DNER: variants seen among roughly 807,000 people sequenced by gnomAD.
DNER encodes delta and Notch-like epidermal growth factor-related receptor.
In DNER, 33 loss-of-function variants were observed where a neutral mutation model predicts 78.2. That is an observed-to-expected ratio of 0.42 (90% confidence interval 0.32 to 0.56). The LOEUF is 0.56. DNER is among the 20% of genes least tolerant of loss of function. The probability of loss-of-function intolerance (pLI) is 0.11; values close to 1 mark genes in which losing one functional copy is unlikely to be tolerated. For synonymous variants in DNER, 417 were observed against 384.8 expected, an observed-to-expected ratio of 1.08 and a Z score of -0.98; for missense variants, 918 against 975.3, an observed-to-expected ratio of 0.94 and a Z score of 0.78.
intron 1 of DNER, among the ~76,000 whole-genome samples, chr2:229,621,851 C>T (rs1211514655): frequency 2.0e-5 from 3 of 152,042 alleles, no homozygotes; most frequent in Non-Finnish European, 4.4e-5. Flanking sequence ...TTTGGGAGGC[C>T]GAGGCGGGCG....
chr2:229,524,646 T>C (rs1696170354), intron 5 of DNER, among the ~76,000 whole-genome samples: 1 of 152,044 alleles, frequency 6.6e-6, no homozygotes, highest in South Asian at 2.1e-4. Flanking sequence ...CATCCCCCAG[T>C]CTCTTTTTTT....
At chr2:229,416,643 C>G (rs1693658697) in intron 9 of DNER, among the ~76,000 whole-genome samples, 1 of 152,222 alleles carries the variant, frequency 6.6e-6, no homozygotes, top group Non-Finnish European at 1.5e-5. Context: ...TGCACTTCCT[C>G]TCTATAAGCT....
chr2:229,710,064 T>C (rs1348610555), intron 1 of DNER, among the ~76,000 whole-genome samples: 1 of 152,206 alleles, frequency 6.6e-6, no homozygotes, highest in Non-Finnish European at 1.5e-5. Flanking sequence ...GTAGTGTCCA[T>C]TTGCTTGCCA....
chr2:229,499,931 C>CTTTCTTTTT (rs1286404166), intron 6 of DNER, among the ~76,000 whole-genome samples: 27 of 134,836 alleles, frequency 2.0e-4, no homozygotes, highest in South Asian at 9.1e-4. Context: ...GACTTTCTTT[C>CTTTCTTTTT]TTTTTTTTTT....
chr2:229,591,597 T>C lies in DNER; in HGVS notation c.568A>G (p.Lys190Glu). 1 of 1,614,074 alleles carries C rather than the reference T, an allele frequency of 6.2e-7. No individual in the cohort carries two copies. Among genetic ancestry groups the C allele is most frequent in the Non-Finnish European group, 8.5e-7 (1 of 1,179,956 alleles). ...GTTCTCACCTCCACTTGATCCCATTTCATTTCTACAACTTTCTGCCCTGTT... is the reference window on the plus strand; with the variant it reads ...GTTCTCACCTCCACTTGATCCCATTCCATTTCTACAACTTTCTGCCCTGTT... ...PKTGQKVVEM[K>E]WDQVEVIPDI... The change falls in exon 2 of 13, where the codon AAA becomes GAA. Residue 190 changes from lysine (K) to glutamate (E), a missense_variant. Lys to Glu is a moderately conservative substitution (Grantham distance 56). Coordinates refer to ENST00000341772, the MANE Select transcript of DNER (RefSeq NM_139072.4). This position sits in a 1 kb window ranked among gnomAD's most constrained non-coding sequence, Gnocchi z 4.6.
chr2:229,437,135 G>A lies in DNER; in HGVS notation c.1486+10181C>T, dbSNP rs116395866. Among the ~76,000 whole-genome samples the A allele has an allele frequency of 2.6e-3, 393 of 152,308 alleles. 3 individuals are homozygous for A. The highest frequency in any genetic ancestry group is 8.8e-3 in the African/African-American group (365 of 41,560). ...AACAAACAGAAAACATAAAAAGGCAGGGGCTGCTATACAAATAGGATTTTA... is the reference window on the plus strand; with the variant it reads ...AACAAACAGAAAACATAAAAAGGCAAGGGCTGCTATACAAATAGGATTTTA... On this transcript the variant is annotated intron_variant, in intron 8 of 12. Transcript: ENST00000341772.
intron 5 of DNER, among the ~76,000 whole-genome samples, chr2:229,529,261 C>A (rs1211175173): frequency 7.9e-5 from 12 of 151,954 alleles, no homozygotes; most frequent in African/African-American, 2.9e-4. Context: ...GAGCGAGCTT[C>A]GGCTGAAAAA....
intron 5 of DNER, among the ~76,000 whole-genome samples, chr2:229,533,676 G>A (rs985787197): frequency 6.6e-6 from 1 of 152,062 alleles, no homozygotes; most frequent in African/African-American, 2.4e-5. Flanking sequence ...CGTGACCTGA[G>A]GTCGTCCATT....
chr2:229,369,870 A>G (rs1574809807), intron 11 of DNER, among the ~76,000 whole-genome samples: 4 of 152,278 alleles, frequency 2.6e-5, no homozygotes, highest in Admixed American at 2.6e-4. Flanking sequence ...CTCATATGGA[A>G]AAAAGGATGC....
At chr2:229,441,375 C>A (rs1482964915) in intron 8 of DNER, among the ~76,000 whole-genome samples, 1 of 152,060 alleles carries the variant, frequency 6.6e-6, no homozygotes, top group African/African-American at 2.4e-5. Flanking sequence ...AAGGACACAC[C>A]TGTAGTTGAA....
chr2:229,464,507 T>C (rs573112427), intron 7 of DNER, among the ~76,000 whole-genome samples: 2 of 152,240 alleles, frequency 1.3e-5, no homozygotes, highest in African/African-American at 2.4e-5. Flanking sequence ...ATTTAAAGGA[T>C]ATAGTTATGT....
At chr2:229,405,112 G>T (rs1693353207) in intron 10 of DNER, among the ~76,000 whole-genome samples, 1 of 152,106 alleles carries the variant, frequency 6.6e-6, no homozygotes, top group African/African-American at 2.4e-5. Context: ...TCAGACAAAG[G>T]ATATGAATAG....
chr2:229,648,995 G>T (rs753944728), intron 1 of DNER, among the ~76,000 whole-genome samples: 11 of 152,158 alleles, frequency 7.2e-5, no homozygotes, highest in Admixed American at 2.6e-4. Flanking sequence ...CCTGTGTAGT[G>T]AGGCCAAAAT....
chr2:229,522,214 A>G (rs998315529), intron 5 of DNER, among the ~76,000 whole-genome samples: 1 of 152,222 alleles, frequency 6.6e-6, no homozygotes, highest in African/African-American at 2.4e-5. Flanking sequence ...GGGAGAAGAA[A>G]GTAAATGTCT....
At chr2:229,517,997 G>T (rs780516698) in intron 5 of DNER, among the ~76,000 whole-genome samples, 1 of 152,134 alleles carries the variant, frequency 6.6e-6, no homozygotes, top group East Asian at 1.9e-4. Flanking sequence ...GTCGCTCTAC[G>T]TTAAATTACC....
intron 1 of DNER, among the ~76,000 whole-genome samples, chr2:229,626,379 A>G (rs1228468461): frequency 6.6e-6 from 1 of 152,268 alleles, no homozygotes; most frequent in Non-Finnish European, 1.5e-5. Context: ...TCATGATCTA[A>G]GAAAAATTTG....
chr2:229,711,553 C>T (rs1288214658), intron 1 of DNER, among the ~76,000 whole-genome samples: 2 of 152,232 alleles, frequency 1.3e-5, no homozygotes, highest in East Asian at 3.9e-4. Flanking sequence ...TTAAAAAAGC[C>T]TAAAGACAGC....
chr2:229,704,174 T>C (rs931085763), intron 1 of DNER, among the ~76,000 whole-genome samples: 2 of 152,192 alleles, frequency 1.3e-5, no homozygotes, highest in Non-Finnish European at 2.9e-5. Context: ...CTTATTAGAA[T>C]AGCTAAAACC....
chr2:229,635,361 GAA>G (rs58220819), intron 1 of DNER, among the ~76,000 whole-genome samples: 1,368 of 85,864 alleles, frequency 0.016, 19 homozygotes, highest in African/African-American at 0.057. Flanking sequence ...GGTCCCACAG[GAA>G]AAAAAAAAAA....
Sources: allele counts gnomAD v4.1 joint callset (sites outside exome capture counted in the v4.1 genomes callset), GRCh38; gene constraint gnomAD v4.1.1; non-coding constraint Gnocchi (gnomAD v3.1); transcripts MANE v1.5; gene names NCBI Gene and HGNC (gene_info 2026-07-23, HGNC 2026-07-21).